The following CCDC39 variants were observed in gnomAD, a reference collection of about 807,000 sequenced individuals.
CCDC39 encodes coiled-coil domain 39 molecular ruler complex subunit.
Under a neutral mutation model 121.0 loss-of-function variants are expected in CCDC39, and 113 were observed. That is an observed-to-expected ratio of 0.93 (90% CI 0.80 to 1.09). The LOEUF (loss-of-function observed/expected upper bound fraction) is 1.09, where lower values mean the gene tolerates loss of function less well. Ranked by LOEUF, CCDC39 falls within the 50% of genes least tolerant of loss-of-function variation. The pLI, the probability that CCDC39 is intolerant of heterozygous loss-of-function variation, is 0.00. For missense variants in CCDC39, 1,063 were observed against 1,074.7 expected (o/e 0.99, Z 0.15); for synonymous variants, 349 against 352.2 (o/e 0.99, Z 0.10).
At chr3:180,642,523 CT>C (rs1398945483) in intron 12 of CCDC39, among the ~76,000 whole-genome samples, 1 of 152,008 alleles carries the variant, frequency 6.6e-6, no homozygotes, top group African/African-American at 2.4e-5. Context: ...CATTTTTATA[CT>C]CTGAATCTCA....
At chr3:180,668,220 T>TA (rs142081120) in intron 1 of CCDC39, among the ~76,000 whole-genome samples, 4 of 151,046 alleles carry the variant, frequency 2.6e-5, no homozygotes, top group East Asian at 3.9e-4. Context: ...CTACTAAAAA[T>TA]AAAAAAAAAT....
intron 14 of CCDC39, among the ~76,000 whole-genome samples, chr3:180,631,194 A>C (rs1306952287): frequency 1.3e-5 from 2 of 152,220 alleles, no homozygotes; most frequent in South Asian, 4.1e-4. Flanking sequence ...TTCTGGAGCA[A>C]GTTCACAGTA....
At chr3:180,654,987 A>T in intron 6 of CCDC39, 34 bp from the exon 7 acceptor site, 1 of 1,317,548 alleles carries the variant, frequency 7.6e-7, no homozygotes. Flanking sequence ...ACTTAAATAT[A>T]TGTTTAAACT....
At chr3:180,647,281 A>G (rs1356016209) in intron 10 of CCDC39, 38 bp from the exon 11 acceptor site, 3 of 1,496,804 alleles carry the variant, frequency 2.0e-6, no homozygotes, top group Non-Finnish European at 2.7e-6. Flanking sequence ...TTACAAAGAA[A>G]AAAAAAGCAT....
At chr3:180,660,506 G>T in intron 4 of CCDC39, 64 bp downstream of exon 4, 1 of 1,357,892 alleles carries the variant, frequency 7.4e-7, no homozygotes, top group Non-Finnish European at 9.8e-7. Context: ...ATAACTTTAG[G>T]TAAATAGGTT....
intron 14 of CCDC39, among the ~76,000 whole-genome samples, chr3:180,620,947 C>T (rs1717415861): frequency 6.6e-6 from 1 of 152,070 alleles, no homozygotes; most frequent in Admixed American, 6.6e-5. Flanking sequence ...TCTTCCGTGT[C>T]TATCACTCCA....
At position 180,633,378 on chromosome 3, in the gene CCDC39, C is replaced by A. The variant is rs140226908; in HGVS notation, c.1875-1786G>T. Among the ~76,000 whole-genome samples the A allele has an allele frequency of 1.3e-3, 205 of 152,234 alleles. 3 individuals carry two copies. The highest frequency in any genetic ancestry group is 0.011 in the Admixed American group (166 of 15,300). On this transcript the variant is annotated intron_variant, in intron 13 of 19. Coordinates refer to ENST00000476379, the MANE Select transcript of CCDC39 (RefSeq NM_181426.2). ...ACAATGTTCAGTCTTCTAATTAGTA[C>A]CATCTAAAAGAGAAGAGGATATTGA...
At chr3:180,648,539 T>C (rs1718127145) in intron 9 of CCDC39, among the ~76,000 whole-genome samples, 180 bp from the exon 10 acceptor site, 1 of 152,200 alleles carries the variant, frequency 6.6e-6, no homozygotes, top group African/African-American at 2.4e-5. Flanking sequence ...TTTATTCTAT[T>C]CTAGTAGACT....
At position 180,644,172 on chromosome 3, in the gene CCDC39, A is replaced by C; in HGVS notation, c.1613T>G (p.Leu538Arg). The C allele has an allele frequency of 1.3e-6, 2 of 1,544,828 alleles. No homozygotes were observed. Among genetic ancestry groups the C allele is most frequent in the Non-Finnish European group, 1.7e-6 (2 of 1,144,048 alleles). The change falls in exon 12 of 20, where the codon CTT (leucine) becomes CGT (arginine). Residue 538 changes from leucine (L) to arginine (R), a missense_variant. Leu to Arg is a moderately radical substitution (Grantham distance 102). Coordinates refer to ENST00000476379, the MANE Select transcript of CCDC39 (RefSeq NM_181426.2). Reference protein sequence around the residue: ...SLMTKINELNLFIDRSEKELD... With the variant: ...SLMTKINELNRFIDRSEKELD... ...TTCTTTCTCTGATCTGTCGATGAAA[A>C]GGTTTAGTTCATTTATTTTGGTCAT...
chr3:180,629,510 G>A (rs999320504), intron 14 of CCDC39, among the ~76,000 whole-genome samples: 1 of 152,182 alleles, frequency 6.6e-6, no homozygotes, highest in Non-Finnish European at 1.5e-5. Flanking sequence ...GGGCCCACTA[G>A]AAAATGCCAA....
chr3:180,655,187 T>C (rs1179669253), intron 6 of CCDC39, among the ~76,000 whole-genome samples: 1 of 152,132 alleles, frequency 6.6e-6, no homozygotes, highest in Non-Finnish European at 1.5e-5. Flanking sequence ...ATCTGGAATT[T>C]TGCTAAAGAG....
chr3:180,632,636 A>T (rs145724095), intron 13 of CCDC39, among the ~76,000 whole-genome samples: 2,108 of 151,916 alleles, frequency 0.014, 58 homozygotes, highest in African/African-American at 0.047. Context: ...AAAAAAGATT[A>T]AAAAAAACAG....
chr3:180,662,499 G>T (rs1278357444), intron 2 of CCDC39, among the ~76,000 whole-genome samples: 1 of 152,024 alleles, frequency 6.6e-6, no homozygotes, highest in African/African-American at 2.4e-5. Context: ...TGTAATAAAA[G>T]AGTATGTGTT....
intron 16 of CCDC39, chr3:180,617,755 A>G: frequency 2.9e-6 from 1 of 348,538 alleles, no homozygotes; most frequent in Non-Finnish European, 5.1e-6. Flanking sequence ...AAAAATGTTT[A>G]AAGTTAAAAA....
chr3:180,679,419 G>T lies in CCDC39; in HGVS notation c.-39C>A, dbSNP rs770822560. 1.9e-6 allele frequency: 3 copies of T among 1,580,580 alleles called. No individual in the cohort carries two copies. Among genetic ancestry groups the T allele is most frequent in the Non-Finnish European group, 8.7e-7 (1 of 1,149,736 alleles). ...TAGAGAAGATACAGAGCAAAGATCC[G>T]CCTTCTTGTACAGCGGGTGAGCAGC... On this transcript the variant is annotated 5_prime_UTR_variant, in exon 1 of 20. Transcript: ENST00000476379. The surrounding 1 kb of genome is among the most constrained non-coding windows in gnomAD (Gnocchi z 4.0).
At chr3:180,620,648 G>GTA (rs1199824727) in intron 14 of CCDC39, among the ~76,000 whole-genome samples, 4 of 151,620 alleles carry the variant, frequency 2.6e-5, no homozygotes, top group Non-Finnish European at 5.9e-5. Context: ...ATATATATGT[G>GTA]TATATATATG....
intron 19 of CCDC39, among the ~76,000 whole-genome samples, chr3:180,615,901 A>G (rs1321182672): frequency 6.6e-6 from 1 of 152,214 alleles, no homozygotes; most frequent in East Asian, 1.9e-4. Context: ...CAAAAATCAT[A>G]TTCTATATGT....
At chr3:180,623,744 T>TTTAGGA (rs1717488357) in intron 14 of CCDC39, among the ~76,000 whole-genome samples, 1 of 152,126 alleles carries the variant, frequency 6.6e-6, no homozygotes, top group Non-Finnish European at 1.5e-5. Context: ...TTGTTTAATT[T>TTTAGGA]CCATATATCT....
At chr3:180,651,349 C>T (rs1718203178) in intron 9 of CCDC39, 52 bp downstream of exon 9, 1 of 1,446,334 alleles carries the variant, frequency 6.9e-7, no homozygotes, top group African/African-American at 1.4e-5. Flanking sequence ...CTAATTAATT[C>T]ACTGTTGCTA....
Sources: allele counts gnomAD v4.1 joint callset (sites outside exome capture counted in the v4.1 genomes callset), GRCh38; gene constraint gnomAD v4.1.1; non-coding constraint Gnocchi (gnomAD v3.1); transcripts MANE v1.5; gene names NCBI Gene and HGNC (gene_info 2026-07-23, HGNC 2026-07-21).